The following SPAG16 variants were observed in gnomAD, a reference collection of about 807,000 sequenced individuals.
The protein encoded by SPAG16 is sperm-associated antigen 16 protein.
Under a neutral mutation model 80.4 loss-of-function variants are expected in SPAG16, and 86 were observed. The ratio of observed to expected loss-of-function variants is 1.07; its 90% confidence interval spans 0.90 to 1.28. The LOEUF (loss-of-function observed/expected upper bound fraction) is 1.28, where lower values mean the gene tolerates loss of function less well. Among genes scored for constraint, SPAG16 ranks in the 50% most tolerant of loss-of-function variants. The pLI, the probability that SPAG16 is intolerant of heterozygous loss-of-function variation, is 0.00. For missense variants in SPAG16, 870 were observed against 765.3 expected, an observed-to-expected ratio of 1.14 and a Z score of -1.61; for synonymous variants, 294 against 265.9, an observed-to-expected ratio of 1.11 and a Z score of -1.03.
At chr2:213,540,605 A>C (rs1434652464) in intron 10 of SPAG16, among the ~76,000 whole-genome samples, 1 of 152,212 alleles carries the variant, frequency 6.6e-6, no homozygotes, top group African/African-American at 2.4e-5. Context: ...ATGATTTTTC[A>C]AACAGAATTA....
At chr2:213,295,245 A>G (rs1009439638) in intron 1 of SPAG16, among the ~76,000 whole-genome samples, 1 of 152,176 alleles carries the variant, frequency 6.6e-6, no homozygotes, top group South Asian at 2.1e-4. Context: ...CCTAACAATA[A>G]TAACAACAAC....
intron 11 of SPAG16, among the ~76,000 whole-genome samples, chr2:213,903,294 A>C (rs10165766): frequency 2.6e-5 from 4 of 151,914 alleles, no homozygotes; most frequent in South Asian, 2.1e-4. Context: ...TGGGCATCCC[A>C]CCCCTGCAGC....
chr2:214,215,962 T>A (rs1258206942), intron 15 of SPAG16, among the ~76,000 whole-genome samples: 1 of 152,222 alleles, frequency 6.6e-6, no homozygotes, highest in East Asian at 1.9e-4. Context: ...GTGAGTTAGC[T>A]TTGAAAAGGC....
intron 6 of SPAG16, among the ~76,000 whole-genome samples, chr2:213,346,070 T>G (rs367654227): frequency 1.8e-4 from 28 of 152,118 alleles, no homozygotes; most frequent in East Asian, 1.5e-3. Flanking sequence ...GCAGTGGTTT[T>G]TAGTTCTCCT....
In SPAG16 at chr2:213,869,265, A is replaced by AAAAAAAAAAAAAAATATATATATACG. The variant is rs1491244962; in HGVS notation, c.1214+6637_1214+6638insAAAAAAAAAAAAAATATATATATACG. Among the ~76,000 whole-genome samples the AAAAAAAAAAAAAAATATATATATACG allele has an allele frequency of 1.9e-3, 47 of 24,816 alleles. 2 individuals carry two copies. Among genetic ancestry groups the AAAAAAAAAAAAAAATATATATATACG allele is most frequent in the Non-Finnish European group, 0.011 (38 of 3,560 alleles). 16.3% of individuals were successfully genotyped at this position (24,816 alleles called of 152,430 possible). The stretch of plus-strand genomic sequence containing the variant: ...CTAAAGTCCATGTCAAAAAAAAAAA[A>AAAAAAAAAAAAAAATATATATATACG]TATATATATATATATGTATATATAT... On this transcript the variant is annotated intron_variant, in intron 11 of 15. Transcript: ENST00000331683.
intron 15 of SPAG16, among the ~76,000 whole-genome samples, chr2:214,381,641 C>T (rs1700454700): frequency 6.6e-6 from 1 of 152,198 alleles, no homozygotes; most frequent in South Asian, 2.1e-4. Context: ...ATGGGTGAAG[C>T]TCAGAGACTC....
At chr2:213,369,239 T>C (rs2066500207) in intron 8 of SPAG16, among the ~76,000 whole-genome samples, 1 of 152,150 alleles carries the variant, frequency 6.6e-6, no homozygotes, top group Non-Finnish European at 1.5e-5. Context: ...GTCAAAAAAG[T>C]ATATTTGCCA....
intron 5 of SPAG16, among the ~76,000 whole-genome samples, chr2:213,325,320 G>A (rs571871035): frequency 6.6e-6 from 1 of 151,920 alleles, no homozygotes; most frequent in Non-Finnish European, 1.5e-5. Context: ...GATATTCTGT[G>A]TTTTCTTCTA....
At chr2:213,868,946 A>ATTT (rs1471156725) in intron 11 of SPAG16, among the ~76,000 whole-genome samples, 1 of 152,016 alleles carries the variant, frequency 6.6e-6, no homozygotes, top group African/African-American at 2.4e-5. Flanking sequence ...CATTATTTAG[A>ATTT]TTTTTAAAAA....
chr2:213,525,534 G>A (rs566855242), intron 10 of SPAG16, among the ~76,000 whole-genome samples: 255 of 151,860 alleles, frequency 1.7e-3, no homozygotes, highest in African/African-American at 5.7e-3. Flanking sequence ...TGATCTACCC[G>A]CCTCGGCCTC....
chr2:213,733,110 C>T (rs747284083), intron 10 of SPAG16, among the ~76,000 whole-genome samples: 31 of 152,162 alleles, frequency 2.0e-4, no homozygotes, highest in Non-Finnish European at 3.7e-4. Context: ...TTTTGATTTA[C>T]ATTTCTGTAA....
At chr2:213,641,390 C>T (rs955527890) in intron 10 of SPAG16, among the ~76,000 whole-genome samples, 1 of 152,176 alleles carries the variant, frequency 6.6e-6, no homozygotes, top group Admixed American at 6.5e-5. Context: ...TAGGCTTTGC[C>T]CTTCCCTGTC....
intron 15 of SPAG16, among the ~76,000 whole-genome samples, chr2:214,315,893 AT>A (rs1210299448): frequency 6.6e-6 from 1 of 152,108 alleles, no homozygotes; most frequent in East Asian, 1.9e-4. Flanking sequence ...GGGTGTTTCG[AT>A]TTAGTTTAAA....
intron 6 of SPAG16, among the ~76,000 whole-genome samples, chr2:213,347,303 T>C (rs2065055246): frequency 6.6e-6 from 1 of 152,178 alleles, no homozygotes; most frequent in Non-Finnish European, 1.5e-5. Flanking sequence ...TTGCTAGTGG[T>C]CTCTCAATTT....
chr2:214,209,765 G>T (rs1258235532), intron 15 of SPAG16, among the ~76,000 whole-genome samples: 1 of 151,928 alleles, frequency 6.6e-6, no homozygotes, highest in Non-Finnish European at 1.5e-5. Context: ...ACCTTATCTT[G>T]AGCCAAATTA....
At chr2:213,487,220 G>A (rs764162087) in intron 9 of SPAG16, among the ~76,000 whole-genome samples, 5 of 151,990 alleles carry the variant, frequency 3.3e-5, no homozygotes, top group South Asian at 4.1e-4. Flanking sequence ...GTGACTCAGT[G>A]ATACTGGTAT....
intron 1 of SPAG16, among the ~76,000 whole-genome samples, chr2:213,293,063 T>C (rs1312006496): frequency 6.6e-6 from 1 of 152,140 alleles, no homozygotes; most frequent in East Asian, 1.9e-4. Flanking sequence ...TAGAGGTAAT[T>C]GGATCATAGG....
Position 214,173,871 on chromosome 2 carries a change from TC to T in SPAG16, c.1720+24607del, listed in dbSNP as rs995619084. On this transcript the variant is annotated intron_variant, in intron 15 of 15. Transcript: ENST00000331683. Reference sequence around the variant, plus strand: ...ATCCAGCAGCACATCAAAAAGCTTATCCACCATGATCAAGTGGGCTTCATCC... The same window carrying T: ...ATCCAGCAGCACATCAAAAAGCTTATCACCATGATCAAGTGGGCTTCATCC... Among the ~76,000 whole-genome samples, 134 of 152,088 alleles carry T rather than the reference TC, an allele frequency of 8.8e-4. 1 individual carries two copies. The highest frequency in any genetic ancestry group is 6.2e-4 in the South Asian group (3 of 4,818).
At chr2:214,228,348 A>G (rs1039497769) in intron 15 of SPAG16, among the ~76,000 whole-genome samples, 1 of 151,940 alleles carries the variant, frequency 6.6e-6, no homozygotes, top group African/African-American at 2.4e-5. Flanking sequence ...GCATTATATC[A>G]CAGCTGATCA....
Sources: gnomAD v4.1 joint callset for allele counts (sites outside exome capture counted in the v4.1 genomes callset) on GRCh38, gnomAD v4.1.1 for gene constraint, MANE v1.5 for transcripts, NCBI Gene and HGNC (gene_info 2026-07-23, HGNC 2026-07-21) for gene names.